Variants in DGKI observed in about 807,000 individuals in gnomAD.
DGKI encodes the protein DAG kinase iota.
Under a neutral mutation model 147.5 loss-of-function variants are expected in DGKI, and 55 were observed. The observed-to-expected ratio is 0.37, with a 90% confidence interval of 0.30 to 0.47. The LOEUF is 0.47. Among genes scored for constraint, DGKI ranks in the 20% least tolerant of loss-of-function variants. The pLI is 1.00. For missense variants in DGKI, 1,007 were observed against 1,323.8 expected (o/e 0.76, Z 3.71); for synonymous variants, 469 against 477.1 (o/e 0.98, Z 0.22).
At chr7:137,763,914 G>T (rs1795932133) in intron 1 of DGKI, among the ~76,000 whole-genome samples, 1 of 152,228 alleles carries the variant, frequency 6.6e-6, no homozygotes, top group Non-Finnish European at 1.5e-5. Context: ...AACCAGTAAG[G>T]ATAGGGTAGT....
At chr7:137,628,488 C>T (rs1288514140) in intron 6 of DGKI, among the ~76,000 whole-genome samples, 1 of 152,192 alleles carries the variant, frequency 6.6e-6, no homozygotes, top group Non-Finnish European at 1.5e-5. Context: ...TATAGGAAGA[C>T]TCTGGCCAGG....
chr7:137,654,203 AC>A (rs1822137225), intron 5 of DGKI, among the ~76,000 whole-genome samples: 1 of 152,022 alleles, frequency 6.6e-6, no homozygotes, highest in African/African-American at 2.4e-5. Context: ...TTTATTTTTT[AC>A]TTAACAAATG....
chr7:137,532,729 T>C (rs150410779), intron 20 of DGKI, among the ~76,000 whole-genome samples: 121 of 152,242 alleles, frequency 7.9e-4, no homozygotes, highest in African/African-American at 2.8e-3. Flanking sequence ...GCTTTCCCAA[T>C]TCAGCCCATT....
chr7:137,708,383 G>A (rs1012378717), intron 1 of DGKI, among the ~76,000 whole-genome samples: 1 of 152,164 alleles, frequency 6.6e-6, no homozygotes, highest in African/African-American at 2.4e-5. Flanking sequence ...TTACAGGAGT[G>A]GAAGTGACAG....
intron 20 of DGKI, among the ~76,000 whole-genome samples, chr7:137,540,758 CCCCCA>C (rs1563075646): frequency 3.9e-5 from 1 of 25,630 alleles, no homozygotes; most frequent in African/African-American, 1.3e-4. Context: ...TTTAAAAACC[CCCCCA>C]AAAAAAAAAA....
intron 23 of DGKI, among the ~76,000 whole-genome samples, chr7:137,482,461 A>T (rs369096961): frequency 1.3e-5 from 2 of 151,820 alleles, no homozygotes; most frequent in African/African-American, 4.8e-5. Flanking sequence ...CCATTCATCC[A>T]TTTGCTGATG....
At chr7:137,594,409 T>C (rs17169324) in intron 12 of DGKI, among the ~76,000 whole-genome samples, 7,330 of 152,280 alleles carry the variant, frequency 0.048, 422 homozygotes, top group African/African-American at 0.13. Flanking sequence ...AAGAACTTTT[T>C]TCCAAAGTAA....
chr7:137,538,341 T>C (rs750010692), intron 20 of DGKI, among the ~76,000 whole-genome samples: 1 of 152,192 alleles, frequency 6.6e-6, no homozygotes, highest in Non-Finnish European at 1.5e-5. Flanking sequence ...AAAAATCAAT[T>C]TACTTTCATC....
chr7:137,584,171 G>T (rs1819304912), intron 14 of DGKI, among the ~76,000 whole-genome samples: 1 of 151,992 alleles, frequency 6.6e-6, no homozygotes, highest in Admixed American at 6.6e-5. Context: ...ACTATAATTG[G>T]GATACCATTT....
intron 12 of DGKI, among the ~76,000 whole-genome samples, chr7:137,597,457 A>C (rs1819835500): frequency 1.3e-5 from 2 of 152,188 alleles, no homozygotes; most frequent in Non-Finnish European, 2.9e-5. Flanking sequence ...ACTAGTAAAA[A>C]AAAAAACATA....
intron 30 of DGKI, among the ~76,000 whole-genome samples, chr7:137,407,606 TAA>T (rs201518587): frequency 6.8e-6 from 1 of 147,108 alleles, no homozygotes; most frequent in African/African-American, 2.5e-5. Context: ...GTCCTCTATT[TAA>T]AAAAAAAAAC....
intron 19 of DGKI, among the ~76,000 whole-genome samples, chr7:137,554,914 C>CTTTTTTTTTTTTTT (rs757320303): frequency 3.7e-5 from 4 of 107,428 alleles, no homozygotes; most frequent in South Asian, 3.5e-4. Context: ...AAACTATTTT[C>CTTTTTTTTTTTTTT]TTTTTTTTTT....
Position 137,587,072 on chromosome 7 carries a change from G to C in DGKI, c.1425+25C>G, listed in dbSNP as rs775975551. 1.8e-5 allele frequency: 27 copies of C among 1,517,152 alleles called. No individual in the cohort carries two copies. In the African/African-American group the frequency reaches 3.7e-4, roughly 21 times the overall value. 94.0% of individuals were successfully genotyped at this position (1,517,152 alleles called of 1,614,324 possible). A position where few individuals can be genotyped will look rare whatever the true frequency, so the allele number is the denominator to read the frequency against. On this transcript the variant is annotated intron_variant, in intron 13 of 32. Coordinates refer to ENST00000614521, the MANE Select transcript of DGKI (RefSeq NM_001321708.2). ...ATCCGGTTTGTTGTTTGATGATATGGGCAGTCCCCGAGAGCAGTTCTTACC... is the reference window on the plus strand; with the variant it reads ...ATCCGGTTTGTTGTTTGATGATATGCGCAGTCCCCGAGAGCAGTTCTTACC...
At chr7:137,445,808 T>G (rs1215933953) in intron 27 of DGKI, among the ~76,000 whole-genome samples, 1 of 152,086 alleles carries the variant, frequency 6.6e-6, no homozygotes, top group East Asian at 1.9e-4. Flanking sequence ...ATGTGGACAC[T>G]CTCAGAGCCA....
chr7:137,407,447 G>T (rs1194315165), intron 30 of DGKI, among the ~76,000 whole-genome samples: 3 of 151,982 alleles, frequency 2.0e-5, no homozygotes, highest in Non-Finnish European at 4.4e-5. Context: ...AAAAAAATGA[G>T]AAACTGGAAA....
chr7:137,635,611 T>C (rs1821282474), intron 6 of DGKI, among the ~76,000 whole-genome samples: 1 of 152,134 alleles, frequency 6.6e-6, no homozygotes, highest in Admixed American at 6.5e-5. Flanking sequence ...TGAGATCCAC[T>C]GGACTATCAC....
At chr7:137,578,386 A>T in intron 15 of DGKI, 61 bp from the exon 16 acceptor site, 1 of 1,213,724 alleles carries the variant, frequency 8.2e-7, no homozygotes, top group Non-Finnish European at 1.2e-6. Flanking sequence ...GACTTAGATT[A>T]GCACTCCTAC....
intron 1 of DGKI, among the ~76,000 whole-genome samples, chr7:137,785,118 G>T (rs1407075157): frequency 6.6e-6 from 1 of 151,470 alleles, no homozygotes; most frequent in African/African-American, 2.4e-5. Flanking sequence ...AAATAACAAA[G>T]ATCAGAGCAG....
At chr7:137,780,158 G>A (rs1319191677) in intron 1 of DGKI, among the ~76,000 whole-genome samples, 1 of 152,146 alleles carries the variant, frequency 6.6e-6, no homozygotes, top group East Asian at 1.9e-4. Context: ...TTGCTAAAGT[G>A]GCATGGTTGA....
Sources: allele counts gnomAD v4.1 joint callset (sites outside exome capture counted in the v4.1 genomes callset), GRCh38; gene constraint gnomAD v4.1.1; transcripts MANE v1.5; gene names NCBI Gene and HGNC (gene_info 2026-07-23, HGNC 2026-07-21).